TBC1D16: variants seen among roughly 807,000 people sequenced by gnomAD.
TBC1D16 encodes TBC1 domain family member 16, also known as CTD-2529O21.1.
In TBC1D16, 58 loss-of-function variants were observed where a neutral mutation model predicts 74.7. That is an observed-to-expected ratio of 0.78 (90% confidence interval 0.63 to 0.97). The LOEUF is 0.97. Among genes scored for constraint, TBC1D16 ranks in the 50% least tolerant of loss-of-function variants. TBC1D16 has a pLI of 0.00. For synonymous variants in TBC1D16, 493 were observed against 474.7 expected, an observed-to-expected ratio of 1.04 and a Z score of -0.50; for missense variants, 1,014 against 1,079.5, an observed-to-expected ratio of 0.94 and a Z score of 0.85.
At chr17:80,018,146 G>C (rs2036155536) in intron 1 of TBC1D16, among the ~76,000 whole-genome samples, 1 of 127,926 alleles carries the variant, frequency 7.8e-6, no homozygotes, top group Admixed American at 8.7e-5. Flanking sequence ...CACTGCAGGA[G>C]ACATAGATAC....
At chr17:79,998,454 A>G (rs1037709188) in intron 3 of TBC1D16, among the ~76,000 whole-genome samples, 3 of 151,352 alleles carry the variant, frequency 2.0e-5, no homozygotes, top group Non-Finnish European at 4.4e-5. Flanking sequence ...CAGCCCCCCA[A>G]GTAGCTGGGA....
At chr17:80,028,634 T>C (rs948153447) in intron 1 of TBC1D16, among the ~76,000 whole-genome samples, 3 of 151,132 alleles carry the variant, frequency 2.0e-5, no homozygotes, top group African/African-American at 4.9e-5. Flanking sequence ...TTGATTTTTT[T>C]TTTTTTTGAG....
intron 3 of TBC1D16, among the ~76,000 whole-genome samples, chr17:79,968,200 G>A (rs1195777768): frequency 6.6e-6 from 1 of 152,140 alleles, no homozygotes; most frequent in African/African-American, 2.4e-5. Flanking sequence ...CACCATGTTG[G>A]CCAGGCTGGT....
chr17:80,019,381 G>T (rs1352277555), intron 1 of TBC1D16, among the ~76,000 whole-genome samples: 1 of 148,856 alleles, frequency 6.7e-6, no homozygotes, highest in Non-Finnish European at 1.5e-5. Context: ...TGAGACCTTC[G>T]TCCCCCACGT....
chr17:80,015,071 C>T (rs1363525652), intron 1 of TBC1D16, among the ~76,000 whole-genome samples: 1 of 152,162 alleles, frequency 6.6e-6, no homozygotes, highest in African/African-American at 2.4e-5. Context: ...AACTAGACTT[C>T]TATACACACA....
rs1000573424 is a variant in TBC1D16, at chr17:79,939,349, G to A, written c.*1510C>T. The A allele has an allele frequency of 6.6e-6, 1 of 152,316 alleles. No individual in the cohort carries two copies. The allele number at this position is 152,316 out of a possible 1,614,324, so 9.4% of individuals were successfully genotyped here. ...GGACGACCTGGGTTCATGGAGAAAAGAGAAGCCGAGAAGGTGGAGGAGGCC... is the reference window on the plus strand; with the variant it reads ...GGACGACCTGGGTTCATGGAGAAAAAAGAAGCCGAGAAGGTGGAGGAGGCC... On this transcript the variant is annotated 3_prime_UTR_variant, in exon 12 of 12. Transcript: ENST00000310924.
At chr17:79,973,388 C>T (rs1212466873) in intron 3 of TBC1D16, among the ~76,000 whole-genome samples, 1 of 152,054 alleles carries the variant, frequency 6.6e-6, no homozygotes, top group African/African-American at 2.4e-5. Context: ...GCCTGGGTAA[C>T]ACAGTTAGAC....
At chr17:79,963,586 G>A (rs1290438513) in intron 3 of TBC1D16, among the ~76,000 whole-genome samples, 1 of 152,096 alleles carries the variant, frequency 6.6e-6, no homozygotes, top group Non-Finnish European at 1.5e-5. Flanking sequence ...ATTCTTTTGG[G>A]TATATACCCA....
At chr17:79,952,431 G>T (rs1482315221) in intron 4 of TBC1D16, among the ~76,000 whole-genome samples, 3 of 152,254 alleles carry the variant, frequency 2.0e-5, no homozygotes, top group Non-Finnish European at 4.4e-5. Flanking sequence ...TCACGCTGAA[G>T]GTAGGGGAGT....
rs933440818 is a variant in TBC1D16 at position 79,985,090 on chromosome 17, GC to G, written c.779+25069del. Among the ~76,000 whole-genome samples, 7 of 152,072 alleles carry G rather than the reference GC, an allele frequency of 4.6e-5. No homozygotes were observed. The highest frequency in any genetic ancestry group is 7.4e-5 in the Non-Finnish European group (5 of 68,022). ...AAAGTCAAGGTGCTAGTCGGGCCGC[GC>G]CCCCTCTGAAGGCTCCAGGCAAGAG... On this transcript the variant is annotated intron_variant, in intron 3 of 11. Transcript: ENST00000310924. The surrounding 1 kb of genome is among the most constrained non-coding windows in gnomAD (Gnocchi z 4.9).
Position 79,975,001 on chromosome 17 carries a change from T to C in TBC1D16, c.780-22183A>G, listed in dbSNP as rs2034269696. Among the ~76,000 whole-genome samples, 2 of 152,210 alleles carry C rather than the reference T, an allele frequency of 1.3e-5. No homozygotes were observed. The highest frequency in any genetic ancestry group is 2.4e-5 in the African/African-American group (1 of 41,460). On this transcript the variant is annotated intron_variant, in intron 3 of 11. Coordinates refer to ENST00000310924, the MANE Select transcript of TBC1D16 (RefSeq NM_019020.4). The surrounding 1 kb of genome is among the most constrained non-coding windows in gnomAD (Gnocchi z 4.5). ...GGGTTGGGGCCACCCCCGCAGCCAC[T>C]GCGCCCTCTATAGGTAAGAAGGCCC...
At chr17:80,032,423 T>TA (rs59782549) in intron 1 of TBC1D16, among the ~76,000 whole-genome samples, 8,492 of 152,256 alleles carry the variant, frequency 0.056, 725 homozygotes, top group African/African-American at 0.18. Flanking sequence ...AAATCGAACT[T>TA]AGTCTTACAG....
intron 1 of TBC1D16, among the ~76,000 whole-genome samples, chr17:80,025,115 C>CACATACCATGA (rs1378974240): frequency 2.4e-5 from 2 of 81,872 alleles, no homozygotes; most frequent in Non-Finnish European, 4.8e-5. Flanking sequence ...CACACAAACA[C>CACATACCATGA]CACAGACACA....
At chr17:79,957,700 G>C (rs2033399245) in intron 3 of TBC1D16, among the ~76,000 whole-genome samples, 1 of 151,970 alleles carries the variant, frequency 6.6e-6, no homozygotes. Flanking sequence ...ATAGACTCTG[G>C]GTGACAATGA....
chr17:80,014,229 C>A (rs947734129), intron 1 of TBC1D16, among the ~76,000 whole-genome samples: 1 of 151,986 alleles, frequency 6.6e-6, no homozygotes, highest in African/African-American at 2.4e-5. Flanking sequence ...CGGTGGCGGG[C>A]GCCTACAGTC....
chr17:79,975,889 T>C lies in TBC1D16; in HGVS notation c.780-23071A>G, dbSNP rs1344848099. Reference sequence around the variant, plus strand: ...TGGGCTTCAGGATGGCAGCAGCAGCTCCGGCAGGCGGCTCTCCAGGCCACG... The same window carrying C: ...TGGGCTTCAGGATGGCAGCAGCAGCCCCGGCAGGCGGCTCTCCAGGCCACG... On this transcript the variant is annotated intron_variant, in intron 3 of 11. Transcript: ENST00000310924. The surrounding 1 kb of genome is among the most constrained non-coding windows in gnomAD (Gnocchi z 4.5). Among the ~76,000 whole-genome samples, 1 of 152,158 alleles carries C rather than the reference T, an allele frequency of 6.6e-6. No homozygotes were observed. The highest frequency in any genetic ancestry group is 1.5e-5 in the Non-Finnish European group (1 of 68,022).
chr17:80,029,430 G>A (rs938945892), intron 1 of TBC1D16, among the ~76,000 whole-genome samples: 14 of 151,950 alleles, frequency 9.2e-5, no homozygotes, highest in Admixed American at 5.2e-4. Context: ...TTCCCTTCCC[G>A]TCCCCTAGGA....
In TBC1D16 at chr17:79,990,408, C is replaced by A. The variant is rs1414372047; in HGVS notation, c.779+19752G>T. 6.6e-6 allele frequency among the ~76,000 whole-genome samples: 1 copy of A among 152,226 alleles called. No homozygotes were observed. Among genetic ancestry groups the A allele is most frequent in the Non-Finnish European group, 1.5e-5 (1 of 68,038 alleles). On this transcript the variant is annotated intron_variant, in intron 3 of 11. Transcript: ENST00000310924. This position sits in a 1 kb window ranked among gnomAD's most constrained non-coding sequence, Gnocchi z 4.8. ...GAGGTGAGCCTGGGCAGCCACCTCCCACGTGATTTCCCAATGCTTGAAGTT... is the reference window on the plus strand; with the variant it reads ...GAGGTGAGCCTGGGCAGCCACCTCCAACGTGATTTCCCAATGCTTGAAGTT...
rs552403241 is a variant in TBC1D16 at position 79,941,879 on chromosome 17, C to G, written c.2055+181G>C. ...GCCGAGACAGGTGCTGACCACGAGGCCTTAGTGGGGAGCCCCCAGTGCTAT... is the reference window on the plus strand; with the variant it reads ...GCCGAGACAGGTGCTGACCACGAGGGCTTAGTGGGGAGCCCCCAGTGCTAT... On this transcript the variant is annotated intron_variant, in intron 11 of 11. Coordinates refer to ENST00000310924, the MANE Select transcript of TBC1D16 (RefSeq NM_019020.4). The surrounding 1 kb of genome is among the most constrained non-coding windows in gnomAD (Gnocchi z 4.3). 3.3e-5 allele frequency among the ~76,000 whole-genome samples: 5 copies of G among 150,518 alleles called. No homozygotes were observed. In the South Asian group the frequency reaches 8.3e-4, roughly 25 times the overall value.
Sources: allele counts gnomAD v4.1 joint callset (sites outside exome capture counted in the v4.1 genomes callset), GRCh38; gene constraint gnomAD v4.1.1; non-coding constraint Gnocchi (gnomAD v3.1); transcripts MANE v1.5; gene names NCBI Gene and HGNC (gene_info 2026-07-23, HGNC 2026-07-21).